Variants in WWOX observed in about 807,000 individuals in gnomAD.
WWOX encodes the protein WW domain-containing oxidoreductase.
A neutral mutation model predicts 46.2 loss-of-function variants in WWOX; 69 were observed. The ratio of observed to expected loss-of-function variants is 1.49; its 90% CI spans 1.23 to 1.82. WWOX has a LOEUF of 1.82. Ranked by LOEUF, WWOX falls within the 40% of genes most tolerant of loss-of-function variation. The pLI is 0.00. For missense variants in WWOX, 919 were observed against 542.6 expected (o/e 1.69, Z -6.89); for synonymous variants, 359 against 202.6 (o/e 1.77, Z -6.56).
At chr16:78,281,573 T>G (rs1879324776) in intron 5 of WWOX, among the ~76,000 whole-genome samples, 1 of 152,194 alleles carries the variant, frequency 6.6e-6, no homozygotes, top group African/African-American at 2.4e-5. Context: ...CTTGTAGTGT[T>G]TGTTGCCAAC....
At chr16:78,867,324 G>T (rs1362254098) in intron 8 of WWOX, among the ~76,000 whole-genome samples, 1 of 152,126 alleles carries the variant, frequency 6.6e-6, no homozygotes, top group Non-Finnish European at 1.5e-5. Flanking sequence ...TCTATTTTAT[G>T]TACATATTTA....
chr16:79,032,122 G>T (rs894152155), intron 8 of WWOX, among the ~76,000 whole-genome samples: 5 of 143,850 alleles, frequency 3.5e-5, no homozygotes, highest in African/African-American at 1.3e-4. Context: ...ATAAATATGT[G>T]TATATATATA....
intron 8 of WWOX, among the ~76,000 whole-genome samples, chr16:78,645,911 C>G (rs1567460543): frequency 6.6e-6 from 1 of 152,308 alleles, no homozygotes; most frequent in South Asian, 2.1e-4. Context: ...TGTTCCTTGG[C>G]TGGTGGCCAC....
chr16:79,124,602 C>T (rs2049711156), intron 8 of WWOX, among the ~76,000 whole-genome samples: 1 of 152,040 alleles, frequency 6.6e-6, no homozygotes, highest in Admixed American at 6.6e-5. Context: ...AAAGAAATGC[C>T]TTTATTTTTA....
intron 8 of WWOX, among the ~76,000 whole-genome samples, chr16:78,600,826 C>T (rs2667540): frequency 6.6e-6 from 1 of 152,182 alleles, no homozygotes; most frequent in African/African-American, 2.4e-5. Context: ...CTAGAATGGA[C>T]TCAGATGTCA....
intron 8 of WWOX, among the ~76,000 whole-genome samples, chr16:78,881,099 C>T (rs117325278): frequency 0.029 from 4,346 of 151,382 alleles, 217 homozygotes; most frequent in East Asian, 0.26. Context: ...GCAAGTGATC[C>T]TCCTACCTCA....
chr16:78,905,777 G>A (rs1398714022), intron 8 of WWOX, among the ~76,000 whole-genome samples: 1 of 152,166 alleles, frequency 6.6e-6, no homozygotes, highest in Non-Finnish European at 1.5e-5. Context: ...TTTATACAAT[G>A]TAGTTTAAAA....
rs577789751 is a variant in WWOX at position 79,089,673 on chromosome 16, G to A, written c.1057-121935G>A. Among the ~76,000 whole-genome samples, 8 of 152,238 alleles carry A rather than the reference G, an allele frequency of 5.3e-5. No homozygotes were observed. In the South Asian group the frequency reaches 1.2e-3, roughly 24 times the overall value. ...CATAAAAAACAGGAATGACTTCTTCGAATTGGTGCACTAGAGAAATGTTTT... is the reference window on the plus strand; with the variant it reads ...CATAAAAAACAGGAATGACTTCTTCAAATTGGTGCACTAGAGAAATGTTTT... On this transcript the variant is annotated intron_variant, in intron 8 of 8. Coordinates refer to ENST00000566780, the MANE Select transcript of WWOX (RefSeq NM_016373.4).
At chr16:78,513,277 C>G (rs16947870) in intron 8 of WWOX, among the ~76,000 whole-genome samples, 1,860 of 152,282 alleles carry the variant, frequency 0.012, 41 homozygotes, top group African/African-American at 0.042. Context: ...AGGAGGCTCT[C>G]TTTTCAGATG....
chr16:79,035,801 C>T (rs773204794), intron 8 of WWOX, among the ~76,000 whole-genome samples: 1 of 152,106 alleles, frequency 6.6e-6, no homozygotes. Flanking sequence ...AGGCCAACCC[C>T]ATTAGACGGT....
At chr16:78,713,984 G>A (rs1389865878) in intron 8 of WWOX, among the ~76,000 whole-genome samples, 1 of 152,116 alleles carries the variant, frequency 6.6e-6, no homozygotes, top group Admixed American at 6.6e-5. Context: ...GGGCTTGTGT[G>A]TACTCTAGTT....
chr16:78,402,479 G>T (rs1283430021), intron 6 of WWOX, among the ~76,000 whole-genome samples: 3 of 152,102 alleles, frequency 2.0e-5, no homozygotes, highest in Non-Finnish European at 4.4e-5. Context: ...ATCATGGGTG[G>T]GGGGTTGCAG....
At chr16:78,880,934 T>A (rs2044329713) in intron 8 of WWOX, among the ~76,000 whole-genome samples, 1 of 151,390 alleles carries the variant, frequency 6.6e-6, no homozygotes, top group African/African-American at 2.4e-5. Context: ...TCCAAGCACT[T>A]TTTTTTTTCA....
At chr16:78,801,583 G>A (rs895185252) in intron 8 of WWOX, among the ~76,000 whole-genome samples, 1 of 152,144 alleles carries the variant, frequency 6.6e-6, no homozygotes, top group Non-Finnish European at 1.5e-5. Context: ...TGCAGCCAAA[G>A]TCCTTACTGG....
intron 8 of WWOX, among the ~76,000 whole-genome samples, chr16:79,065,436 G>A (rs914831015): frequency 6.6e-6 from 1 of 152,202 alleles, no homozygotes; most frequent in Non-Finnish European, 1.5e-5. Flanking sequence ...TGAAATCATT[G>A]AAGTGTGGAA....
chr16:78,201,809 C>T (rs934766794), intron 5 of WWOX, among the ~76,000 whole-genome samples: 4 of 152,034 alleles, frequency 2.6e-5, no homozygotes, highest in Non-Finnish European at 5.9e-5. Flanking sequence ...AAGTGATTCT[C>T]TTGCCTCAGC....
At chr16:78,499,387 GAT>G (rs2084999888) in intron 8 of WWOX, among the ~76,000 whole-genome samples, 1 of 152,180 alleles carries the variant, frequency 6.6e-6, no homozygotes, top group East Asian at 1.9e-4. Flanking sequence ...GCCCCTTTGT[GAT>G]AGTCTCATAG....
intron 8 of WWOX, among the ~76,000 whole-genome samples, chr16:79,078,845 C>T (rs145243108): frequency 1.5e-4 from 23 of 152,254 alleles, no homozygotes; most frequent in Non-Finnish European, 1.2e-4. Context: ...GTGACATGGT[C>T]CATTTAAAGT....
chr16:78,205,162 G>A (rs1011431114), intron 5 of WWOX, among the ~76,000 whole-genome samples: 2 of 152,106 alleles, frequency 1.3e-5, no homozygotes, highest in Non-Finnish European at 2.9e-5. Flanking sequence ...GACAATTATG[G>A]AAGTTCAGAG....
Sources: allele counts gnomAD v4.1 joint callset (sites outside exome capture counted in the v4.1 genomes callset), GRCh38; gene constraint gnomAD v4.1.1; transcripts MANE v1.5; gene names NCBI Gene and HGNC (gene_info 2026-07-23, HGNC 2026-07-21).